The following TDRD10 variants were observed in gnomAD, a reference collection of about 807,000 sequenced individuals.
TDRD10 encodes the protein tudor domain-containing protein 10.
TDRD10 carries 40 observed loss-of-function variants against 48.0 expected under a neutral mutation model. The observed-to-expected ratio is 0.83, with a 90% CI of 0.65 to 1.09. TDRD10 has a LOEUF of 1.09. TDRD10 is among the 50% of genes least tolerant of loss of function. TDRD10 has a pLI of 0.00. For synonymous variants in TDRD10, 162 were observed against 170.4 expected (o/e 0.95, Z 0.38); for missense variants, 378 against 434.7 (o/e 0.87, Z 1.16).
chr1:154,537,319 T>A (rs1299134298), intron 6 of TDRD10, among the ~76,000 whole-genome samples: 1 of 152,194 alleles, frequency 6.6e-6, no homozygotes, highest in East Asian at 1.9e-4. Flanking sequence ...GAACGTGAGC[T>A]TTGTGGTGGC....
At chr1:154,531,344 A>C (rs1435267496) in intron 6 of TDRD10, among the ~76,000 whole-genome samples, 1 of 152,198 alleles carries the variant, frequency 6.6e-6, no homozygotes, top group African/African-American at 2.4e-5. Context: ...ACTGACTTCA[A>C]GAATGAAGCC....
chr1:154,522,444 AG>A (rs2149328061), intron 6 of TDRD10, among the ~76,000 whole-genome samples: 1 of 152,348 alleles, frequency 6.6e-6, no homozygotes, highest in Non-Finnish European at 1.5e-5. Context: ...TAACAAGGTC[AG>A]CCACAAAGCT....
chr1:154,542,856 G>A, intron 8 of TDRD10, 35 bp downstream of exon 8: 1 of 1,552,376 alleles, frequency 6.4e-7, no homozygotes, highest in African/African-American at 1.4e-5. Flanking sequence ...CAGGGCAAAT[G>A]GCGATTACAG....
intron 6 of TDRD10, among the ~76,000 whole-genome samples, chr1:154,526,855 C>T (rs1335780438): frequency 6.6e-6 from 1 of 151,942 alleles, no homozygotes; most frequent in African/African-American, 2.4e-5. Flanking sequence ...TCCCAAAGTG[C>T]TGGGATTACA....
In TDRD10 at chr1:154,544,406, C is replaced by A. The variant is rs1695433215; in HGVS notation, c.686C>A (p.Thr229Asn). 1 of 1,598,614 alleles carries A rather than the reference C, an allele frequency of 6.3e-7. No individual in the cohort carries two copies. The highest frequency in any genetic ancestry group is 8.5e-7 in the Non-Finnish European group (1 of 1,173,272). Residue 229 changes from threonine (T) to asparagine (N), a missense_variant, in exon 10 of 13, where the codon ACC becomes AAC. Around this residue, in one of 2 missense-constraint regions of TDRD10, gnomAD observed 310 missense variants for 323.6 expected, o/e 0.96. Coordinates refer to ENST00000368482, the MANE Select transcript of TDRD10 (RefSeq NM_182499.4). Reference sequence around the variant, plus strand: ...CAGAACATGCAGGCTCTGTTTAGCACCCTGGCTCAGGCGGAGGAGCAGCAG... The same window carrying A: ...CAGAACATGCAGGCTCTGTTTAGCAACCTGGCTCAGGCGGAGGAGCAGCAG... The part of the protein sequence containing the change: ...LHQNMQALFS[T>N]LAQAEEQQPY...
chr1:154,535,784 A>G (rs1180410203), intron 6 of TDRD10, among the ~76,000 whole-genome samples: 2 of 152,200 alleles, frequency 1.3e-5, no homozygotes, highest in African/African-American at 2.4e-5. Context: ...TGTTCCAACA[A>G]AAATGAATCA....
chr1:154,520,205 T>A, intron 4 of TDRD10, 99 bp from the exon 5 acceptor site: 1 of 839,946 alleles, frequency 1.2e-6, no homozygotes, highest in Non-Finnish European at 2.0e-6. Flanking sequence ...AAGTATGAGT[T>A]AAATTGAGTC....
intron 4 of TDRD10, among the ~76,000 whole-genome samples, chr1:154,516,526 G>A (rs1229178048): frequency 1.3e-5 from 2 of 152,216 alleles, no homozygotes; most frequent in South Asian, 2.1e-4. Context: ...AAGTGTGTGC[G>A]GTAGTTTTTT....
At chr1:154,536,485 A>G (rs1267857155) in intron 6 of TDRD10, among the ~76,000 whole-genome samples, 1 of 152,252 alleles carries the variant, frequency 6.6e-6, no homozygotes, top group Non-Finnish European at 1.5e-5. Context: ...ACATAGCCAG[A>G]TAGAACCCAT....
At chr1:154,547,293 G>A in intron 11 of TDRD10, 116 bp from the exon 12 acceptor site, 1 of 986,304 alleles carries the variant, frequency 1.0e-6, no homozygotes, top group South Asian at 1.5e-5. Context: ...TTGCTGGTTG[G>A]AGCTGGTTGG....
intron 6 of TDRD10, among the ~76,000 whole-genome samples, chr1:154,527,768 A>G (rs1437017800): frequency 6.6e-6 from 1 of 152,382 alleles, no homozygotes. Context: ...ACAAAGGATC[A>G]GGAAAGGTGT....
chr1:154,509,129 A>G (rs1044094084), intron 4 of TDRD10, among the ~76,000 whole-genome samples: 5 of 132,752 alleles, frequency 3.8e-5, no homozygotes, highest in African/African-American at 1.4e-4. Context: ...TACTACATGC[A>G]AAATATTGTG....
At chr1:154,510,266 A>G (rs1693382701) in intron 4 of TDRD10, among the ~76,000 whole-genome samples, 1 of 150,140 alleles carries the variant, frequency 6.7e-6, no homozygotes, top group Admixed American at 6.7e-5. Flanking sequence ...AAAAATTTTG[A>G]ATGGTAACAT....
chr1:154,538,743 C>T (rs1695058183), intron 6 of TDRD10, among the ~76,000 whole-genome samples: 1 of 150,806 alleles, frequency 6.6e-6, no homozygotes. Context: ...GTCTGAGCTA[C>T]TCGGGAGGCT....
chr1:154,506,064 T>A (rs1355431152), intron 1 of TDRD10, among the ~76,000 whole-genome samples: 1 of 152,236 alleles, frequency 6.6e-6, no homozygotes, highest in Non-Finnish European at 1.5e-5. Context: ...CCATGCTGTC[T>A]GTATTAGTTT....
At chr1:154,537,669 G>A (rs915495047) in intron 6 of TDRD10, among the ~76,000 whole-genome samples, 1 of 152,212 alleles carries the variant, frequency 6.6e-6, no homozygotes, top group African/African-American at 2.4e-5. Flanking sequence ...CCTGCTGAGT[G>A]TATGCAAGAA....
In TDRD10 at chr1:154,544,061, C is replaced by G; in HGVS notation, c.602C>G (p.Thr201Arg). The change falls in exon 9 of 13, where the codon ACG (threonine) becomes AGG (arginine). Residue 201 changes from threonine to arginine, a missense_variant. Around this residue, in one of 2 missense-constraint regions of TDRD10, gnomAD observed 310 missense variants for 323.6 expected, o/e 0.96. Transcript: ENST00000368482. ...SVRGEAGLLV[T>R]SIVPKTPFFW... is the part of the protein sequence containing the mutation. ...CGTGGGGAGGCGGGGCTGCTGGTGA[C>G]GAGTATCGTCCCGAAGACCCCGTTT... 1 of 1,614,162 alleles carries G rather than the reference C, an allele frequency of 6.2e-7. No individual in the cohort carries two copies. The highest frequency in any genetic ancestry group is 8.5e-7 in the Non-Finnish European group (1 of 1,180,028).
intron 4 of TDRD10, chr1:154,509,888 T>A (rs1693352402): frequency 3.0e-6 from 3 of 984,610 alleles, no homozygotes; most frequent in Non-Finnish European, 3.6e-6. Context: ...GCTGAGCAGT[T>A]CTGCCACCTC....
At chr1:154,509,442 T>C (rs914177526) in intron 4 of TDRD10, among the ~76,000 whole-genome samples, 2 of 152,190 alleles carry the variant, frequency 1.3e-5, no homozygotes, top group Non-Finnish European at 2.9e-5. Flanking sequence ...TGGGTGGTGG[T>C]AATGCCCCCA....
Sources: allele counts gnomAD v4.1 joint callset (sites outside exome capture counted in the v4.1 genomes callset), GRCh38; gene constraint gnomAD v4.1.1; regional missense constraint gnomAD v4.1.1; transcripts MANE v1.5; gene names NCBI Gene and HGNC (gene_info 2026-07-23, HGNC 2026-07-21).